Variants in SH3D21 observed in about 807,000 individuals in gnomAD.
SH3D21 encodes the protein manchette microtubule inner protein 1, also known as SH3 domain-containing protein 21.
Under a neutral mutation model 82.1 loss-of-function variants are expected in SH3D21, and 83 were observed. That is an observed-to-expected ratio of 1.01 (90% CI 0.85 to 1.21). The LOEUF (loss-of-function observed/expected upper bound fraction) is 1.21, where lower values mean the gene tolerates loss of function less well. SH3D21 is among the 50% of genes most tolerant of loss of function. The probability of loss-of-function intolerance (pLI) is 0.00; values close to 1 mark genes in which losing one functional copy is unlikely to be tolerated. For synonymous variants in SH3D21, 383 were observed against 387.8 expected (o/e 0.99, Z 0.15); for missense variants, 980 against 962.1 (o/e 1.02, Z -0.25).
At position 36,321,001 on chromosome 1, in the gene SH3D21, A is replaced by T. The variant is rs1053572352; in HGVS notation, c.2199+23A>T. 1 of 1,573,620 alleles carries T rather than the reference A, an allele frequency of 6.4e-7. No homozygotes were observed. On this transcript the variant is annotated intron_variant, in intron 15 of 15. Coordinates refer to ENST00000453908, the MANE Select transcript of SH3D21 (RefSeq NM_001162530.2). This position sits in a 1 kb window ranked among gnomAD's most constrained non-coding sequence, Gnocchi z 6.1. The stretch of plus-strand genomic sequence containing the variant: ...GAGGTGAGGCGCGGGTCCCGGCGGG[A>T]GGGGGCTGACGGCGAGTGGCCCCCT...
At chr1:36,313,967 A>ATTTTATTTTTTTTTTTTTTTT in intron 10 of SH3D21, among the ~76,000 whole-genome samples, 1 of 36,936 alleles carries the variant, frequency 2.7e-5, no homozygotes, top group East Asian at 8.7e-4. Context: ...TGCTGAACAT[A>ATTTTATTTTTTTTTTTTTTTT]TTTTCTTTTT....
In SH3D21 at chr1:36,307,338, C is replaced by T. The variant is rs1646149172; in HGVS notation, c.345+53C>T. 6.5e-7 allele frequency: 1 copy of T among 1,545,902 alleles called. No homozygotes were observed. Among genetic ancestry groups the T allele is most frequent in the Admixed American group, 2.0e-5 (1 of 50,808 alleles). On this transcript the variant is annotated intron_variant, in intron 4 of 15. Transcript: ENST00000453908. This position sits in a 1 kb window ranked among gnomAD's most constrained non-coding sequence, Gnocchi z 5.4. ...GGGGGAGGATGATGGAACGCGCCTC[C>T]CTAGTGAGCGGGGTGGGAAGTGAGG...
rs1054653735 is a variant in SH3D21, at chr1:36,319,510, C to G, written c.985C>G (p.Pro329Ala). The G allele has an allele frequency of 1.9e-6, 3 of 1,551,570 alleles. No individual in the cohort carries two copies. In the Admixed American group the frequency reaches 5.9e-5, roughly 30 times the overall value. ...CCGAAAGCGATCCAAAACCCAGACT[C>G]CCCAGCAACGCTCTGTGTCCAGTCA... Reference protein sequence around the residue: ...PGRKRSKTQTPQQRSVSSQEE... With the variant: ...PGRKRSKTQTAQQRSVSSQEE... Residue 329 changes from proline to alanine, a missense_variant, in exon 13 of 16, where the codon CCC becomes GCC. Physicochemically the swap from Pro to Ala is conservative, Grantham distance 27. Transcript: ENST00000453908.
chr1:36,307,096 G>T lies in SH3D21; in HGVS notation c.227-71G>T. 1 of 1,540,862 alleles carries T rather than the reference G, an allele frequency of 6.5e-7. No individual in the cohort carries two copies. The highest frequency in any genetic ancestry group is 8.8e-7 in the Non-Finnish European group (1 of 1,140,956). On this transcript the variant is annotated intron_variant, in intron 3 of 15. Coordinates refer to ENST00000453908, the MANE Select transcript of SH3D21 (RefSeq NM_001162530.2). The surrounding 1 kb of genome is among the most constrained non-coding windows in gnomAD (Gnocchi z 5.4). ...TGGAGGGACCAAAGGCTACGTGCGC[G>T]CCTTGCGCTTCCCCCAGCTCCTCTG...
Position 36,320,635 on chromosome 1 carries a change from C to G in SH3D21, c.1972C>G (p.Arg658Gly), listed in dbSNP as rs751932748. Reference sequence around the variant, plus strand: ...AGAAAGAGCCTTTGCCCAAAAAACACGTCCTATCAAGCCGCCTCCAGACTC... The same window carrying G: ...AGAAAGAGCCTTTGCCCAAAAAACAGGTCCTATCAAGCCGCCTCCAGACTC... The part of the protein sequence containing the change: ...PIERAFAQKT[R>G]PIKPPPDSQE... Residue 658 changes from arginine (R) to glycine (G), a missense_variant, in exon 14 of 16, where the codon CGT becomes GGT. Arg to Gly is a moderately radical substitution (Grantham distance 125). Coordinates refer to ENST00000453908, the MANE Select transcript of SH3D21 (RefSeq NM_001162530.2). The G allele has an allele frequency of 6.2e-7, 1 of 1,614,272 alleles. No individual in the cohort carries two copies. The highest frequency in any genetic ancestry group is 8.5e-7 in the Non-Finnish European group (1 of 1,180,050).
chr1:36,322,621 G>C, downstream of SH3D21: 2 of 1,545,472 alleles, frequency 1.3e-6, no homozygotes, highest in Non-Finnish European at 8.7e-7. Context: ...CCCCGGGGCC[G>C]CGGGCGGGGC....
chr1:36,321,501 A>C (rs1337361859), downstream of SH3D21: 1 of 836,078 alleles, frequency 1.2e-6, no homozygotes, highest in African/African-American at 1.8e-5. This position sits in a 1 kb window ranked among gnomAD's most constrained non-coding sequence, Gnocchi z 6.1. Flanking sequence ...TCCGGAATCC[A>C]GCTGTGCGCC....
chr1:36,311,397 C>T (rs1471986131), intron 10 of SH3D21, among the ~76,000 whole-genome samples: 1 of 152,026 alleles, frequency 6.6e-6, no homozygotes, highest in African/African-American at 2.4e-5. Flanking sequence ...CCTGCCATCA[C>T]GCCCAGCTAA....
At chr1:36,322,870 G>T, downstream of SH3D21, 1 of 1,530,794 alleles carries the variant, frequency 6.5e-7, no homozygotes, top group Non-Finnish European at 9.0e-7. Context: ...GGGCAAGAGG[G>T]CGGGGAGCGG....
Position 36,321,205 on chromosome 1 carries a change from A to T in SH3D21, c.*78A>T. On this transcript the variant is annotated 3_prime_UTR_variant, in exon 16 of 16. Transcript: ENST00000453908. This position sits in a 1 kb window ranked among gnomAD's most constrained non-coding sequence, Gnocchi z 6.1. ...CTTGCACACGACTTTGGGAAACGCG[A>T]GAAAGTAAACTCTGCCTAGCACGGC... 6.5e-7 allele frequency: 1 copy of T among 1,549,170 alleles called. No individual in the cohort carries two copies. The highest frequency in any genetic ancestry group is 2.4e-5 in the East Asian group (1 of 41,762).
chr1:36,309,460 A>G, intron 9 of SH3D21, 88 bp from the exon 10 acceptor site: 2 of 1,460,268 alleles, frequency 1.4e-6, no homozygotes, highest in South Asian at 1.2e-5. Flanking sequence ...TGCTGGGATT[A>G]TAGGTGTGAG....
rs1207842498 is a variant in SH3D21, at chr1:36,307,687, C to T, written c.436+80C>T. The stretch of plus-strand genomic sequence containing the variant: ...TGGCATGAGCCTGTGATTCACATAT[C>T]CTGACCCTGTGACCCCTCTGACCCT... On this transcript the variant is annotated intron_variant, in intron 5 of 15. Coordinates refer to ENST00000453908, the MANE Select transcript of SH3D21 (RefSeq NM_001162530.2). This position sits in a 1 kb window ranked among gnomAD's most constrained non-coding sequence, Gnocchi z 5.4. The T allele has an allele frequency of 5.8e-6, 9 of 1,539,012 alleles. No homozygotes were observed. The African/African-American group carries it at 9.6e-5, about 16-fold the overall frequency.
rs1646140548 is a variant in SH3D21, at chr1:36,307,083, A to C, written c.227-84A>C. On this transcript the variant is annotated intron_variant, in intron 3 of 15. Coordinates refer to ENST00000453908, the MANE Select transcript of SH3D21 (RefSeq NM_001162530.2). The surrounding 1 kb of genome is among the most constrained non-coding windows in gnomAD (Gnocchi z 5.4). ...CCTGGGGCGGGGCTGGAGGGACCAA[A>C]GGCTACGTGCGCGCCTTGCGCTTCC... The C allele has an allele frequency of 6.5e-7, 1 of 1,532,236 alleles. No individual in the cohort carries two copies. The highest frequency in any genetic ancestry group is 2.5e-5 in the East Asian group (1 of 40,628). 94.9% of individuals were successfully genotyped at this position (1,532,236 alleles called of 1,614,324 possible). A position where few individuals can be genotyped will look rare whatever the true frequency, so the allele number is the denominator to read the frequency against.
chr1:36,326,854 G>C (rs2995222), downstream of SH3D21, among the ~76,000 whole-genome samples: 5,102 of 152,272 alleles, frequency 0.034, 321 homozygotes, highest in African/African-American at 0.12. Flanking sequence ...AAGCCCATGT[G>C]GGGAAGCAGG....
chr1:36,318,709 A>G (rs1314564346), intron 10 of SH3D21, among the ~76,000 whole-genome samples: 1 of 151,996 alleles, frequency 6.6e-6, no homozygotes, highest in Non-Finnish European at 1.5e-5. Flanking sequence ...AGATGAGACC[A>G]TCATGGCTAA....
At chr1:36,308,554 A>G in intron 9 of SH3D21, 79 bp downstream of exon 9, 1 of 1,194,636 alleles carries the variant, frequency 8.4e-7, no homozygotes, top group Non-Finnish European at 1.2e-6. Context: ...CACTCTCCGG[A>G]CCTAGCTGGA....
chr1:36,322,422 C>G, downstream of SH3D21: 1 of 1,602,492 alleles, frequency 6.2e-7, no homozygotes, highest in Non-Finnish European at 8.5e-7. Flanking sequence ...CTCCTCCAGC[C>G]GCTGCGCCCG....
downstream of SH3D21, among the ~76,000 whole-genome samples, chr1:36,325,865 G>T (rs191082598): frequency 1.3e-5 from 2 of 152,322 alleles, no homozygotes; most frequent in African/African-American, 4.8e-5. Flanking sequence ...TTTTAATGGG[G>T]ATTTAACAAT....
Position 36,306,882 on chromosome 1 carries a change from G to C in SH3D21, c.203G>C (p.Arg68Thr), listed in dbSNP as rs1349565002. 14 of 1,305,640 alleles carry C rather than the reference G, an allele frequency of 1.1e-5. No individual in the cohort carries two copies. In the Admixed American group the frequency reaches 3.0e-4, roughly 28 times the overall value. 80.9% of individuals were successfully genotyped at this position (1,305,640 alleles called of 1,614,324 possible). The part of the protein sequence containing the change: ...ETLRGSGEAR[R>T]PRCARRRGHP... ...CTGCGGGGCTCCGGAGAGGCGCGGAGGCCGCGCTGTGCGCGCCGCCGAGGT... is the reference window on the plus strand; with the variant it reads ...CTGCGGGGCTCCGGAGAGGCGCGGACGCCGCGCTGTGCGCGCCGCCGAGGT... The change falls in exon 3 of 16, where the codon AGG becomes ACG. Residue 68 changes from arginine to threonine, a missense_variant. Transcript: ENST00000453908. The surrounding 1 kb of genome is among the most constrained non-coding windows in gnomAD (Gnocchi z 4.5).
Sources: gnomAD v4.1 joint callset for allele counts (sites outside exome capture counted in the v4.1 genomes callset) on GRCh38, gnomAD v4.1.1 for gene constraint, Gnocchi (gnomAD v3.1) non-coding constraint, MANE v1.5 for transcripts, NCBI Gene and HGNC (gene_info 2026-07-23, HGNC 2026-07-21) for gene names.